CDH17: variants seen among roughly 807,000 people sequenced by gnomAD.
CDH17 encodes the protein cadherin 17.
CDH17 carries 67 observed loss-of-function variants against 86.3 expected under a neutral mutation model. The observed-to-expected ratio is 0.78, with a 90% CI of 0.64 to 0.95. The LOEUF is 0.95. Among genes scored for constraint, CDH17 ranks in the 40% least tolerant of loss-of-function variants. The pLI, the probability that CDH17 is intolerant of heterozygous loss-of-function variation, is 0.00. For synonymous variants in CDH17, 367 were observed against 366.4 expected (o/e 1.00, Z -0.02); for missense variants, 993 against 1,017.6 (o/e 0.98, Z 0.33).
intron 3 of CDH17, among the ~76,000 whole-genome samples, chr8:94,187,790 C>G (rs1273033390): frequency 1.3e-5 from 2 of 152,084 alleles, no homozygotes; most frequent in Non-Finnish European, 2.9e-5. Flanking sequence ...CCTGCCGGGC[C>G]TCTTCTAAGC....
At chr8:94,159,893 C>T in intron 12 of CDH17, 78 bp downstream of exon 12, 2 of 1,139,894 alleles carry the variant, frequency 1.8e-6, no homozygotes, top group Non-Finnish European at 2.5e-6. Context: ...ATCACCTCTG[C>T]TTATAGGTCT....
At chr8:94,200,532 CTTTTGTTTTTTTTTTTTTTTTTTT>C (rs1813887439) in intron 1 of CDH17, among the ~76,000 whole-genome samples, 1 of 50,236 alleles carries the variant, frequency 2.0e-5, no homozygotes, top group Admixed American at 2.3e-4. Flanking sequence ...TTATTATTAT[CTTTTGTTTTTTTTTTTTTTTTTTT>C]TTTTTTTTTT....
chr8:94,129,490 G>C (rs1812368650), intron 17 of CDH17, among the ~76,000 whole-genome samples: 1 of 151,974 alleles, frequency 6.6e-6, no homozygotes, highest in Non-Finnish European at 1.5e-5. Context: ...AGTCCAGTGT[G>C]ACACACTGGA....
At chr8:94,138,517 G>C (rs1812576272) in intron 15 of CDH17, among the ~76,000 whole-genome samples, 2 of 152,178 alleles carry the variant, frequency 1.3e-5, no homozygotes, top group Admixed American at 1.3e-4. Flanking sequence ...GTAAGGCAAA[G>C]TTAAGAAACT....
intron 15 of CDH17, among the ~76,000 whole-genome samples, chr8:94,132,879 A>G (rs1337847965): frequency 2.0e-5 from 3 of 152,180 alleles, no homozygotes; most frequent in African/African-American, 7.2e-5. Context: ...TCAGCTTTCT[A>G]CATATGCCTA....
intron 2 of CDH17, 122 bp downstream of exon 2, chr8:94,194,513 A>T: frequency 1.4e-6 from 1 of 716,136 alleles, no homozygotes; most frequent in Non-Finnish European, 2.5e-6. Context: ...CTATACAACA[A>T]CTTAATTTTG....
intron 2 of CDH17, among the ~76,000 whole-genome samples, chr8:94,190,465 G>A (rs776299882): frequency 3.3e-5 from 5 of 152,210 alleles, no homozygotes; most frequent in African/African-American, 4.8e-5. Flanking sequence ...GGGACAGCCA[G>A]TCATGCAGCC....
At chr8:94,153,370 G>T (rs1241343093) in intron 12 of CDH17, among the ~76,000 whole-genome samples, 1 of 152,114 alleles carries the variant, frequency 6.6e-6, no homozygotes, top group Non-Finnish European at 1.5e-5. Flanking sequence ...AACAAACATT[G>T]GTGAGGATGT....
intron 14 of CDH17, 23 bp downstream of exon 14, chr8:94,148,721 G>GTTTTTTTTTTTTTTTTTTTTTTTT (rs151133817): frequency 1.8e-6 from 2 of 1,123,034 alleles, no homozygotes; most frequent in African/African-American, 2.1e-5. Flanking sequence ...CTTTTTTTTT[G>GTTTTTTTTTTTTTTTTTTTTTTTT]TTTTTTTTTT....
intron 1 of CDH17, among the ~76,000 whole-genome samples, chr8:94,203,535 C>T (rs535573374): frequency 1.1e-4 from 16 of 152,280 alleles, no homozygotes; most frequent in Admixed American, 5.2e-4. Context: ...ATGAAAATCT[C>T]GCCCAAACCA....
chr8:94,148,541 CAAAAAAA>C (rs59942237), intron 14 of CDH17, among the ~76,000 whole-genome samples, 196 bp downstream of exon 14: 5 of 29,200 alleles, frequency 1.7e-4, no homozygotes, highest in East Asian at 2.1e-3. Context: ...GACTCCATCT[CAAAAAAA>C]AAAAAAAAAA....
At chr8:94,215,870 T>TC (rs1238173424) in intron 1 of CDH17, among the ~76,000 whole-genome samples, 2 of 152,000 alleles carry the variant, frequency 1.3e-5, no homozygotes, top group Admixed American at 6.5e-5. Context: ...GAGGTTTTTT[T>TC]TTTTTTTTTA....
At chr8:94,131,758 C>A (rs1427647799) in intron 15 of CDH17, among the ~76,000 whole-genome samples, 2 of 152,066 alleles carry the variant, frequency 1.3e-5, no homozygotes, top group Non-Finnish European at 2.9e-5. Flanking sequence ...ATACATGTGT[C>A]ATGTTGATTT....
intron 9 of CDH17, among the ~76,000 whole-genome samples, chr8:94,167,911 C>T (rs1160978090): frequency 1.3e-5 from 2 of 151,498 alleles, no homozygotes; most frequent in African/African-American, 2.4e-5. Context: ...CAGGAGTATA[C>T]GTAGCATCTC....
chr8:94,175,705 A>G (rs1813358209), intron 5 of CDH17, among the ~76,000 whole-genome samples: 1 of 152,088 alleles, frequency 6.6e-6, no homozygotes, highest in African/African-American at 2.4e-5. Context: ...AGTGAAAGGT[A>G]GAAGGTCAAT....
At chr8:94,179,638 G>A (rs563394606) in intron 3 of CDH17, among the ~76,000 whole-genome samples, 2 of 152,194 alleles carry the variant, frequency 1.3e-5, no homozygotes, top group African/African-American at 2.4e-5. Flanking sequence ...ATAGTTGAAG[G>A]TTGTGTCCCA....
At chr8:94,144,664 G>A (rs896800866) in intron 15 of CDH17, among the ~76,000 whole-genome samples, 12 of 151,756 alleles carry the variant, frequency 7.9e-5, no homozygotes, top group African/African-American at 2.9e-4. Flanking sequence ...AATAAAACAT[G>A]AAAAAAATAG....
chr8:94,179,442 G>A (rs2130649427), intron 3 of CDH17, among the ~76,000 whole-genome samples: 1 of 152,372 alleles, frequency 6.6e-6, no homozygotes, highest in Non-Finnish European at 1.5e-5. Context: ...GAAATGAGAT[G>A]TCCATAAGGG....
chr8:94,136,555 G>A (rs1812531775), intron 15 of CDH17, among the ~76,000 whole-genome samples: 1 of 152,036 alleles, frequency 6.6e-6, no homozygotes, highest in Non-Finnish European at 1.5e-5. Flanking sequence ...CCTTTTTCAA[G>A]GTTTTTAGCT....
Sources: gnomAD v4.1 joint callset for allele counts (sites outside exome capture counted in the v4.1 genomes callset) on GRCh38, gnomAD v4.1.1 for gene constraint, MANE v1.5 for transcripts, NCBI Gene and HGNC (gene_info 2026-07-23, HGNC 2026-07-21) for gene names.